Variants in RALGAPA1 observed in about 807,000 individuals in gnomAD.
RALGAPA1 encodes Ral GTPase activating protein catalytic subunit alpha 1.
Under a neutral mutation model 269.6 loss-of-function variants are expected in RALGAPA1, and 52 were observed. The ratio of observed to expected loss-of-function variants is 0.19; its 90% CI spans 0.15 to 0.24. RALGAPA1 has a LOEUF of 0.24. RALGAPA1 is among the 10% of genes least tolerant of loss of function. The pLI is 1.00. For missense variants in RALGAPA1, 1,917 were observed against 3,013.9 expected (o/e 0.64, Z 8.52); for synonymous variants, 817 against 1,008.3 (o/e 0.81, Z 3.60).
intron 3 of RALGAPA1, 120 bp downstream of exon 3, chr14:35,774,885 TC>T (rs2074901285): frequency 4.4e-6 from 3 of 677,338 alleles, no homozygotes; most frequent in Admixed American, 6.4e-5. Flanking sequence ...TAGATTTAGT[TC>T]TTAGAAAGGC....
chr14:35,680,637 CAG>C (rs1434215295), intron 21 of RALGAPA1, among the ~76,000 whole-genome samples: 7 of 151,738 alleles, frequency 4.6e-5, no homozygotes, highest in East Asian at 1.9e-4. Context: ...TTGTTTGAGA[CAG>C]AGTCTCGCTT....
intron 38 of RALGAPA1, among the ~76,000 whole-genome samples, chr14:35,571,280 C>A (rs1376338775): frequency 6.6e-6 from 1 of 152,088 alleles, no homozygotes; most frequent in Non-Finnish European, 1.5e-5. Context: ...ATAAGGTTGG[C>A]ATAAATGGCA....
intron 1 of RALGAPA1, chr14:35,807,732 T>C (rs2077475134): frequency 1.3e-5 from 2 of 152,300 alleles, no homozygotes; most frequent in South Asian, 4.1e-4. Flanking sequence ...GAGTAAACAA[T>C]AGACTAGAGA....
chr14:35,791,852 G>A (rs1367054700), intron 1 of RALGAPA1, among the ~76,000 whole-genome samples: 2 of 131,972 alleles, frequency 1.5e-5, no homozygotes, highest in Non-Finnish European at 3.1e-5. Flanking sequence ...CTTGCAGTGA[G>A]CCGAGATCTG....
intron 26 of RALGAPA1, among the ~76,000 whole-genome samples, chr14:35,666,985 T>C (rs148787674): frequency 1.3e-5 from 2 of 152,346 alleles, no homozygotes; most frequent in Middle Eastern, 3.4e-3. Flanking sequence ...GTACTCTGAT[T>C]GTACTATAAC....
At chr14:35,568,271 C>G (rs1253598713) in intron 39 of RALGAPA1, among the ~76,000 whole-genome samples, 1 of 151,994 alleles carries the variant, frequency 6.6e-6, no homozygotes. Flanking sequence ...TGAAGAATTT[C>G]AGATTTCAGG....
At chr14:35,597,224 AAC>A (rs1318007378) in intron 36 of RALGAPA1, among the ~76,000 whole-genome samples, 2 of 152,288 alleles carry the variant, frequency 1.3e-5, no homozygotes. Flanking sequence ...CTAATTTCAA[AAC>A]ACACTACCAA....
At chr14:35,584,994 T>C (rs189180546) in intron 37 of RALGAPA1, among the ~76,000 whole-genome samples, 60 of 152,228 alleles carry the variant, frequency 3.9e-4, no homozygotes, top group African/African-American at 1.3e-3. Flanking sequence ...AGATATACCA[T>C]GCTAACACTA....
At chr14:35,659,294 CATGT>C in intron 27 of RALGAPA1, 98 bp from the exon 28 acceptor site, 1 of 719,106 alleles carries the variant, frequency 1.4e-6, no homozygotes, top group South Asian at 2.4e-5. Context: ...TCTTTGTTCT[CATGT>C]ATGTACTTTC....
At chr14:35,699,497 C>G (rs533720176) in intron 17 of RALGAPA1, among the ~76,000 whole-genome samples, 13 of 151,922 alleles carry the variant, frequency 8.6e-5, no homozygotes, top group Admixed American at 6.6e-4. Context: ...AAGAGCAGAC[C>G]GTGCCAGTAC....
At chr14:35,808,187 T>C (rs1463678094) in intron 1 of RALGAPA1, among the ~76,000 whole-genome samples, 1 of 152,174 alleles carries the variant, frequency 6.6e-6, no homozygotes, top group South Asian at 2.1e-4. Flanking sequence ...CTACCTATAA[T>C]AGTTCTCCCT....
chr14:35,636,082 G>GTT (rs76860385), intron 31 of RALGAPA1, among the ~76,000 whole-genome samples: 6 of 151,084 alleles, frequency 4.0e-5, no homozygotes, highest in Middle Eastern at 3.4e-3. Flanking sequence ...TTTTGTTTTT[G>GTT]TTTTTTTTCA....
At position 35,721,652 on chromosome 14, in the gene RALGAPA1, C is replaced by T. The variant is rs376045120; in HGVS notation, c.2266+36G>A. ...GTTACCAAGGACTATAAATGTAGTG[C>T]CCTGTACCATTCTCATGATTTTCAA... On this transcript the variant is annotated intron_variant, in intron 16 of 41. Coordinates refer to ENST00000680220, the MANE Select transcript of RALGAPA1 (RefSeq NM_001346249.2). The T allele has an allele frequency of 2.7e-5, 42 of 1,580,184 alleles. No homozygotes were observed. The African/African-American group carries it at 4.5e-4, about 17-fold the overall frequency.
At chr14:35,782,756 T>G (rs2075535552) in intron 1 of RALGAPA1, among the ~76,000 whole-genome samples, 1 of 151,908 alleles carries the variant, frequency 6.6e-6, no homozygotes, top group East Asian at 1.9e-4. Flanking sequence ...CCTAACATAG[T>G]TTTTTGCAAA....
At chr14:35,590,493 T>C (rs1465688929) in intron 37 of RALGAPA1, among the ~76,000 whole-genome samples, 1 of 152,194 alleles carries the variant, frequency 6.6e-6, no homozygotes, top group Non-Finnish European at 1.5e-5. Flanking sequence ...GTTCTAGTGG[T>C]AGTGAGTTCT....
Position 35,808,954 on chromosome 14 carries a change from G to C in RALGAPA1, c.-119C>G. The C allele has an allele frequency of 6.8e-7, 1 of 1,470,158 alleles. No homozygotes were observed. Among genetic ancestry groups the C allele is most frequent in the African/African-American group, 1.4e-5 (1 of 71,048 alleles). 91.1% of individuals were successfully genotyped at this position (1,470,158 alleles called of 1,614,324 possible). On this transcript the variant is annotated 5_prime_UTR_variant, in exon 1 of 42. Coordinates refer to ENST00000680220, the MANE Select transcript of RALGAPA1 (RefSeq NM_001346249.2). ...GCCAGAGAGGCTCATTAGCTCCCCA[G>C]CCTTGCGGGCCAGGGCAGAGCCGAC...
intron 35 of RALGAPA1, among the ~76,000 whole-genome samples, chr14:35,609,420 A>G (rs1386830858): frequency 6.6e-6 from 1 of 152,194 alleles, no homozygotes; most frequent in African/African-American, 2.4e-5. Flanking sequence ...AATAAATCTC[A>G]AGGGAAATGA....
intron 3 of RALGAPA1, among the ~76,000 whole-genome samples, chr14:35,774,010 T>C (rs1314557106): frequency 6.6e-6 from 1 of 151,992 alleles, no homozygotes; most frequent in Non-Finnish European, 1.5e-5. Flanking sequence ...ACCTCCTGGG[T>C]TCAAGGGATC....
chr14:35,598,257 T>C (rs2059043275), intron 36 of RALGAPA1, among the ~76,000 whole-genome samples: 1 of 152,146 alleles, frequency 6.6e-6, no homozygotes, highest in Non-Finnish European at 1.5e-5. Flanking sequence ...CTTCTATAAT[T>C]ATATAATGTC....
Sources: gnomAD v4.1 joint callset for allele counts (sites outside exome capture counted in the v4.1 genomes callset) on GRCh38, gnomAD v4.1.1 for gene constraint, MANE v1.5 for transcripts, NCBI Gene and HGNC (gene_info 2026-07-23, HGNC 2026-07-21) for gene names.